SGO2: variants seen among roughly 807,000 people sequenced by gnomAD.
SGO2 encodes the protein shugoshin 2.
A neutral mutation model predicts 99.5 loss-of-function variants in SGO2; 68 were observed. The ratio of observed to expected loss-of-function variants is 0.68; its 90% CI spans 0.56 to 0.84. The LOEUF is 0.84. SGO2 is among the 40% of genes least tolerant of loss of function. SGO2 has a pLI of 0.00. For missense variants in SGO2, 1,350 were observed against 1,436.7 expected, an observed-to-expected ratio of 0.94 and a Z score of 0.97; for synonymous variants, 457 against 487.1, an observed-to-expected ratio of 0.94 and a Z score of 0.81.
chr2:200,559,366 T>C (rs1045459558), intron 5 of SGO2, among the ~76,000 whole-genome samples: 15 of 152,174 alleles, frequency 9.9e-5, no homozygotes, highest in Admixed American at 9.8e-4. Context: ...TTATTCATCT[T>C]TGTGAAGGTC....
intron 5 of SGO2, among the ~76,000 whole-genome samples, chr2:200,551,535 T>C (rs1346554562): frequency 6.6e-6 from 1 of 152,190 alleles, no homozygotes; most frequent in Non-Finnish European, 1.5e-5. Context: ...GTAAGTCATA[T>C]ATGTATCTTT....
chr2:200,547,089 A>G (rs2032253109), intron 5 of SGO2, among the ~76,000 whole-genome samples: 1 of 152,230 alleles, frequency 6.6e-6, no homozygotes, highest in African/African-American at 2.4e-5. Flanking sequence ...CAAACTCTCA[A>G]AGGTCAAAGA....
chr2:200,571,251 G>T lies in SGO2; in HGVS notation c.905G>T (p.Ser302Ile), dbSNP rs768299846. Residue 302 changes from serine (S) to isoleucine (I), a missense_variant, in exon 7 of 9, where the codon AGT becomes ATT. By Grantham distance (142) the Ser-to-Ile change is moderately radical. Coordinates refer to ENST00000357799, the MANE Select transcript of SGO2 (RefSeq NM_152524.6). ...GTTTTAGATAAACAACACATTTCAA[G>T]TCCAGAATTAAATTGCAATAATGAG... is the stretch of plus-strand genomic sequence containing the variant. ...ATVLDKQHIS[S>I]PELNCNNEIN... 1 of 1,613,328 alleles carries T rather than the reference G, an allele frequency of 6.2e-7. No individual in the cohort carries two copies. Among genetic ancestry groups the T allele is most frequent in the African/African-American group, 1.3e-5 (1 of 74,888 alleles).
At chr2:200,577,035 GT>G (rs747481388) in intron 8 of SGO2, among the ~76,000 whole-genome samples, 4,114 of 141,514 alleles carry the variant, frequency 0.029, 69 homozygotes, top group Non-Finnish European at 0.033. Context: ...GTAAAGTATT[GT>G]TTTTTTTTTT....
At position 200,571,262 on chromosome 2, in the gene SGO2, A is replaced by T. The variant is rs750500391; in HGVS notation, c.916A>T (p.Asn306Tyr). 1 of 1,613,502 alleles carries T rather than the reference A, an allele frequency of 6.2e-7. No homozygotes were observed. Among genetic ancestry groups the T allele is most frequent in the Non-Finnish European group, 8.5e-7 (1 of 1,179,650 alleles). The part of the protein sequence containing the change: ...DKQHISSPEL[N>Y]CNNEINGHTN... ...ACAACACATTTCAAGTCCAGAATTA[A>T]ATTGCAATAATGAGATAAATGGTCA... The change falls in exon 7 of 9, where the codon AAT becomes TAT. Residue 306 changes from asparagine (N) to tyrosine (Y), a missense_variant. By Grantham distance (143) the Asn-to-Tyr change is moderately radical. Coordinates refer to ENST00000357799, the MANE Select transcript of SGO2 (RefSeq NM_152524.6).
intron 5 of SGO2, among the ~76,000 whole-genome samples, chr2:200,554,281 CA>C (rs979267963): frequency 6.6e-6 from 1 of 152,008 alleles, no homozygotes; most frequent in African/African-American, 2.4e-5. Flanking sequence ...ACGTTTCAAG[CA>C]AAAAGCCAAA....
chr2:200,555,441 A>G (rs113546902), intron 5 of SGO2, among the ~76,000 whole-genome samples: 8 of 152,300 alleles, frequency 5.3e-5, no homozygotes, highest in African/African-American at 1.9e-4. Context: ...TAAGGGTCCC[A>G]TTTTTATACC....
intron 4 of SGO2, among the ~76,000 whole-genome samples, chr2:200,538,336 T>C (rs552701876): frequency 2.0e-5 from 3 of 152,340 alleles, no homozygotes; most frequent in South Asian, 4.1e-4. Context: ...CCTTTGTACA[T>C]GTTCTGTCTG....
chr2:200,572,151 C>T lies in SGO2; in HGVS notation c.1805C>T (p.Ser602Leu). The T allele has an allele frequency of 6.2e-7, 1 of 1,612,386 alleles. No individual in the cohort carries two copies. The highest frequency in any genetic ancestry group is 8.5e-7 in the Non-Finnish European group (1 of 1,179,388). Residue 602 changes from serine (S) to leucine (L), a missense_variant, in exon 7 of 9, where the codon TCA (serine) becomes TTA (leucine). Coordinates refer to ENST00000357799, the MANE Select transcript of SGO2 (RefSeq NM_152524.6). ...LKKYVTDIQP[S>L]EQNESNINKL... is the part of the protein sequence containing the mutation. ...AAGTATGTCACTGATATTCAACCCT[C>T]AGAGCAAAATGAATCAAACATTAAT... is the stretch of plus-strand genomic sequence containing the variant.
chr2:200,571,750 T>C lies in SGO2; in HGVS notation c.1404T>C (p.Asn468=), dbSNP rs1445678678. The C allele has an allele frequency of 4.3e-6, 7 of 1,613,540 alleles. No individual in the cohort carries two copies. The highest frequency in any genetic ancestry group is 5.9e-6 in the Non-Finnish European group (7 of 1,179,700). ...AQMNEQLAQV[N]ELKKMTLQTG... Reference sequence around the variant, plus strand: ...TGAATGAACAGCTGGCTCAGGTGAATGAACTAAAGAAAATGACCCTTCAAA... The same window carrying C: ...TGAATGAACAGCTGGCTCAGGTGAACGAACTAAAGAAAATGACCCTTCAAA... The change falls in exon 7 of 9, where the codon AAT becomes AAC. Residue 468 remains asparagine (N), a synonymous_variant. Coordinates refer to ENST00000357799, the MANE Select transcript of SGO2 (RefSeq NM_152524.6).
intron 8 of SGO2, among the ~76,000 whole-genome samples, chr2:200,582,632 G>C (rs993149844): frequency 2.6e-5 from 4 of 152,092 alleles, no homozygotes; most frequent in Non-Finnish European, 5.9e-5. Flanking sequence ...ATGAACTATA[G>C]TGCTCTGTTG....
Position 200,572,401 on chromosome 2 carries a change from C to A in SGO2, c.2055C>A (p.Thr685=). 6.2e-7 allele frequency: 1 copy of A among 1,613,262 alleles called. No individual in the cohort carries two copies. Among genetic ancestry groups the A allele is most frequent in the Non-Finnish European group, 8.5e-7 (1 of 1,179,596 alleles). ...RDNENQCDYR[T]QNVLGLQKQI... is the part of the protein sequence containing the mutation. ...ATGAAAATCAATGTGACTATAGGACCCAGAATGTGTTGGGTTTGCAAAAGC... is the reference window on the plus strand; with the variant it reads ...ATGAAAATCAATGTGACTATAGGACACAGAATGTGTTGGGTTTGCAAAAGC... Residue 685 remains threonine (T), a synonymous_variant, in exon 7 of 9, where the codon ACC becomes ACA. Transcript: ENST00000357799.
chr2:200,558,866 G>A (rs552703277), intron 5 of SGO2, among the ~76,000 whole-genome samples: 3 of 151,202 alleles, frequency 2.0e-5, no homozygotes, highest in Non-Finnish European at 4.4e-5. Flanking sequence ...GCAGTGGTGC[G>A]ATCTTGGCTC....
chr2:200,568,123 T>G (rs1320413495), intron 5 of SGO2, among the ~76,000 whole-genome samples: 1 of 152,220 alleles, frequency 6.6e-6, no homozygotes, highest in Non-Finnish European at 1.5e-5. Flanking sequence ...CAACACTTGT[T>G]AATAATTATC....
intron 8 of SGO2, among the ~76,000 whole-genome samples, chr2:200,579,090 G>A (rs540934776): frequency 2.6e-5 from 4 of 152,274 alleles, no homozygotes; most frequent in South Asian, 4.1e-4. Flanking sequence ...TCAACTGGGA[G>A]GCAAAAGCAT....
chr2:200,533,566 T>C (rs2031535881), intron 2 of SGO2, among the ~76,000 whole-genome samples: 1 of 150,950 alleles, frequency 6.6e-6, no homozygotes, highest in Admixed American at 6.6e-5. Context: ...TGACTTTATA[T>C]AGGCAATCTT....
Position 200,570,313 on chromosome 2 carries a change from T to G in SGO2, c.703+421T>G, listed in dbSNP as rs1414818096. ...CAAAAACTTGAGTCTGGGTAATGGT[T>G]GAGCAAGAAAAAAGATGGCATTTAC... is the stretch of plus-strand genomic sequence containing the variant. On this transcript the variant is annotated intron_variant, in intron 6 of 8. Transcript: ENST00000357799. The surrounding 1 kb of genome is among the most constrained non-coding windows in gnomAD (Gnocchi z 4.4). 6.6e-6 allele frequency among the ~76,000 whole-genome samples: 1 copy of G among 151,960 alleles called. No homozygotes were observed. The highest frequency in any genetic ancestry group is 1.9e-4 in the East Asian group (1 of 5,192).
At chr2:200,535,697 A>C (rs2106306930) in intron 3 of SGO2, among the ~76,000 whole-genome samples, 1 of 152,180 alleles carries the variant, frequency 6.6e-6, no homozygotes, top group East Asian at 1.9e-4. Context: ...ATAATGGAAA[A>C]AGGACCTACT....
At position 200,573,393 on chromosome 2, in the gene SGO2, C is replaced by T. The variant is rs771468725; in HGVS notation, c.3047C>T (p.Ser1016Phe). ...ASQLTESSQT[S>F]ISLESDLKHI... ...CAGTTAACAGAATCTTCACAGACATCTATCTCCTTAGAATCTGATTTAAAA... is the reference window on the plus strand; with the variant it reads ...CAGTTAACAGAATCTTCACAGACATTTATCTCCTTAGAATCTGATTTAAAA... The change falls in exon 7 of 9, where the codon TCT becomes TTT. Residue 1016 changes from serine (S) to phenylalanine (F), a missense_variant. Ser to Phe is a radical substitution (Grantham distance 155, BLOSUM62 -2). Coordinates refer to ENST00000357799, the MANE Select transcript of SGO2 (RefSeq NM_152524.6). The T allele has an allele frequency of 1.2e-5, 19 of 1,602,622 alleles. No individual in the cohort carries two copies. In the Admixed American group the frequency reaches 2.4e-4, roughly 21 times the overall value.
Sources: gnomAD v4.1 joint callset for allele counts (sites outside exome capture counted in the v4.1 genomes callset) on GRCh38, gnomAD v4.1.1 for gene constraint, Gnocchi (gnomAD v3.1) non-coding constraint, MANE v1.5 for transcripts, NCBI Gene and HGNC (gene_info 2026-07-23, HGNC 2026-07-21) for gene names.